Variants in ZNF444 observed in about 807,000 individuals in gnomAD.
ZNF444 encodes zinc finger protein 444.
ZNF444 carries 8 observed loss-of-function variants against 14.4 expected under a neutral mutation model. The observed-to-expected ratio is 0.56, with a 90% CI of 0.33 to 1.00. The LOEUF (loss-of-function observed/expected upper bound fraction) is 1.00, where lower values mean the gene tolerates loss of function less well. ZNF444 is among the 50% of genes least tolerant of loss of function. The pLI is 0.03. For missense variants in ZNF444, 510 were observed against 504.8 expected (o/e 1.01, Z -0.10); for synonymous variants, 258 against 235.9 (o/e 1.09, Z -0.86).
chr19:56,156,167 C>A (rs1267567944), intron 3 of ZNF444: 1 of 152,204 alleles, frequency 6.6e-6, no homozygotes. Flanking sequence ...GGAAGGGTTC[C>A]GAGCGCAGGG....
rs564703570 is a variant in ZNF444, at chr19:56,145,932, C to T, written c.-196-315C>T. ...CTGCTGGCAGAGATGGACAGAGTCCCGGTGTCCCTTTCTCTTATAAGGCCA... is the reference window on the plus strand; with the variant it reads ...CTGCTGGCAGAGATGGACAGAGTCCTGGTGTCCCTTTCTCTTATAAGGCCA... On this transcript the variant is annotated intron_variant, in intron 1 of 4. Transcript: ENST00000337080. The surrounding 1 kb of genome is among the most constrained non-coding windows in gnomAD (Gnocchi z 4.3). Among the ~76,000 whole-genome samples the T allele has an allele frequency of 1.2e-3, 179 of 152,322 alleles. No individual in the cohort carries two copies. Among genetic ancestry groups the T allele is most frequent in the African/African-American group, 4.1e-3 (169 of 41,572 alleles).
chr19:56,148,226 C>T (rs2031328263), intron 3 of ZNF444, among the ~76,000 whole-genome samples: 1 of 152,172 alleles, frequency 6.6e-6, no homozygotes, highest in African/African-American at 2.4e-5. Flanking sequence ...GGCAGCCACG[C>T]AGAGACCTCT....
rs774133349 is a variant in ZNF444, at chr19:56,147,334, G to T, written c.297+126G>T. 1.3e-5 allele frequency: 15 copies of T among 1,128,364 alleles called. No homozygotes were observed. Among genetic ancestry groups the T allele is most frequent in the Non-Finnish European group, 1.7e-5 (14 of 848,468 alleles). 69.9% of individuals were successfully genotyped at this position (1,128,364 alleles called of 1,614,324 possible). A position where few individuals can be genotyped will look rare whatever the true frequency, so the allele number is the denominator to read the frequency against. ...GTGTGACTCGCGGTGGGGAGGCTGC[G>T]GTACAGGCTGCGGTACAGCGTGGAG... On this transcript the variant is annotated intron_variant, in intron 3 of 4. Coordinates refer to ENST00000337080, the MANE Select transcript of ZNF444 (RefSeq NM_018337.4). This position sits in a 1 kb window ranked among gnomAD's most constrained non-coding sequence, Gnocchi z 5.9.
chr19:56,137,997 G>A (rs941400268), upstream of ZNF444, among the ~76,000 whole-genome samples: 8 of 151,902 alleles, frequency 5.3e-5, no homozygotes, highest in African/African-American at 1.7e-4. Context: ...GGTGGCGGGC[G>A]CCTGTAATCC....
rs1491486074 is a variant in ZNF444, at chr19:56,159,919, C to CAGCCCCGGG, written c.703_711dup (p.Ser235_Gly237dup). 4 of 1,467,128 alleles carry CAGCCCCGGG rather than the reference C, an allele frequency of 2.7e-6. No homozygotes were observed. The highest frequency in any genetic ancestry group is 3.6e-6 in the Non-Finnish European group (4 of 1,103,412). The allele number at this position is 1,467,128 out of a possible 1,614,324, so 90.9% of individuals were successfully genotyped here. On this transcript the variant is annotated inframe_insertion, in exon 5 of 5. Coordinates refer to ENST00000337080, the MANE Select transcript of ZNF444 (RefSeq NM_018337.4). The stretch of plus-strand genomic sequence containing the variant: ...GCGACACGCACCCCGGCAGCCCCGG[C>CAGCCCCGGG]AGCCCCGGGCCCGCGCTGCGCCCTC...
chr19:56,139,990 C>T (rs2030712087), upstream of ZNF444, among the ~76,000 whole-genome samples: 1 of 152,168 alleles, frequency 6.6e-6, no homozygotes, highest in African/African-American at 2.4e-5. Flanking sequence ...GACTGGAACT[C>T]ATTAAACACG....
chr19:56,140,005 G>C (rs2030713120), upstream of ZNF444, among the ~76,000 whole-genome samples: 1 of 152,202 alleles, frequency 6.6e-6, no homozygotes, highest in Admixed American at 6.5e-5. Context: ...AACACGAGGA[G>C]AAGACAGTGG....
chr19:56,139,038 C>T (rs1384545466), upstream of ZNF444, among the ~76,000 whole-genome samples: 3 of 152,072 alleles, frequency 2.0e-5, no homozygotes, highest in Admixed American at 2.0e-4. Flanking sequence ...TTCTGATCCG[C>T]ACGCCTCGGT....
intron 3 of ZNF444, chr19:56,154,681 C>G (rs2031793012): frequency 6.6e-6 from 1 of 151,722 alleles, no homozygotes; most frequent in African/African-American, 2.4e-5. Flanking sequence ...ACATCGGCAG[C>G]TTGATTCCGC....
At chr19:56,142,237 G>T (rs1275853949) in intron 1 of ZNF444, 1 of 152,146 alleles carries the variant, frequency 6.6e-6, no homozygotes, top group Non-Finnish European at 1.5e-5. Flanking sequence ...AGCCAGGTGT[G>T]GTTCTCAGCA....
intron 3 of ZNF444, among the ~76,000 whole-genome samples, chr19:56,148,091 G>A (rs565778996): frequency 6.6e-6 from 1 of 152,346 alleles, no homozygotes; most frequent in South Asian, 2.1e-4. Flanking sequence ...AAGTGTTCTA[G>A]TCAGCACGTT....
intron 3 of ZNF444, among the ~76,000 whole-genome samples, chr19:56,149,078 G>A (rs981354813): frequency 4.2e-5 from 5 of 117,756 alleles, no homozygotes; most frequent in South Asian, 3.0e-4. Context: ...TCACTCCTCC[G>A]ACCTTGACCT....
rs924421568 is a variant in ZNF444, at chr19:56,144,532, T to C, written c.-196-1715T>C. Reference sequence around the variant, plus strand: ...TGATCACTGTGGAGTGATTTGGCTCTAGGTGGCGAGAGTAGGCATACACGG... The same window carrying C: ...TGATCACTGTGGAGTGATTTGGCTCCAGGTGGCGAGAGTAGGCATACACGG... On this transcript the variant is annotated intron_variant, in intron 1 of 4. Transcript: ENST00000337080. This position sits in a 1 kb window ranked among gnomAD's most constrained non-coding sequence, Gnocchi z 4.0. Among the ~76,000 whole-genome samples the C allele has an allele frequency of 6.6e-6, 1 of 152,094 alleles. No individual in the cohort carries two copies. Among genetic ancestry groups the C allele is most frequent in the Non-Finnish European group, 1.5e-5 (1 of 68,012 alleles).
chr19:56,138,038 C>T (rs1361247995), upstream of ZNF444, among the ~76,000 whole-genome samples: 6 of 151,860 alleles, frequency 4.0e-5, no homozygotes, highest in Non-Finnish European at 5.9e-5. Flanking sequence ...GTAGGAGAAT[C>T]GCTTGAACCC....
rs909369498 is a variant in ZNF444 at position 56,147,638 on chromosome 19, C to T, written c.297+430C>T. On this transcript the variant is annotated intron_variant, in intron 3 of 4. Coordinates refer to ENST00000337080, the MANE Select transcript of ZNF444 (RefSeq NM_018337.4). The surrounding 1 kb of genome is among the most constrained non-coding windows in gnomAD (Gnocchi z 5.9). ...TGGTGTCCTGGGTTCTTACTGGGGA[C>T]TCCTCCCCGTTCTGTGTGGCTGACC... Among the ~76,000 whole-genome samples the T allele has an allele frequency of 7.9e-5, 12 of 152,238 alleles. No individual in the cohort carries two copies. The highest frequency in any genetic ancestry group is 1.5e-4 in the Non-Finnish European group (10 of 67,984).
intron 1 of ZNF444, among the ~76,000 whole-genome samples, chr19:56,135,489 A>T (rs1431849176): frequency 2.0e-5 from 3 of 152,012 alleles, no homozygotes; most frequent in African/African-American, 7.2e-5. Flanking sequence ...GCCATGAAGG[A>T]TCCAGGTTCC....
rs777166885 is a variant in ZNF444, at chr19:56,160,287, TCTC to T, written c.*92_*94del. The stretch of plus-strand genomic sequence containing the variant: ...CTCCCAGCGCCACTTGGCCTCTTCC[TCTC>T]CTCCTTCCCTCCCATCGTCCTCCTC... On this transcript the variant is annotated 3_prime_UTR_variant, in exon 5 of 5. Coordinates refer to ENST00000337080, the MANE Select transcript of ZNF444 (RefSeq NM_018337.4). 2,905 of 1,112,906 alleles carry T rather than the reference TCTC, an allele frequency of 2.6e-3. 19 individuals are homozygous for T. Among genetic ancestry groups the T allele is most frequent in the Non-Finnish European group, 2.4e-3 (2,049 of 836,782 alleles). 68.9% of individuals were successfully genotyped at this position (1,112,906 alleles called of 1,614,324 possible).
Position 56,146,921 on chromosome 19 carries a change from G to A in ZNF444, c.10G>A (p.Ala4Thr). MEVAVPVKQEAEGL... is the reference protein window; with the variant it reads MEVTVPVKQEAEGL... ...CGGTCCGGGAGGCCCCATGGAGGTG[G>A]CGGTGCCCGTGAAGCAGGAGGCCGA... is the stretch of plus-strand genomic sequence containing the variant. The change falls in exon 3 of 5, where the codon GCG becomes ACG. Residue 4 changes from alanine to threonine, a missense_variant. Physicochemically the swap from Ala to Thr is moderately conservative, Grantham distance 58 (BLOSUM62 0). Coordinates refer to ENST00000337080, the MANE Select transcript of ZNF444 (RefSeq NM_018337.4). The A allele has an allele frequency of 7.0e-7, 1 of 1,433,506 alleles. No individual in the cohort carries two copies. The highest frequency in any genetic ancestry group is 9.1e-7 in the Non-Finnish European group (1 of 1,103,058). 88.8% of individuals were successfully genotyped at this position (1,433,506 alleles called of 1,614,324 possible).
chr19:56,140,782 G>C (rs1883462323), upstream of ZNF444, among the ~76,000 whole-genome samples: 2 of 152,018 alleles, frequency 1.3e-5, no homozygotes, highest in South Asian at 4.1e-4. Context: ...CTCTTCGCTT[G>C]CCAGCTTCTA....
Sources: allele counts gnomAD v4.1 joint callset (sites outside exome capture counted in the v4.1 genomes callset), GRCh38; gene constraint gnomAD v4.1.1; non-coding constraint Gnocchi (gnomAD v3.1); transcripts MANE v1.5; gene names NCBI Gene and HGNC (gene_info 2026-07-23, HGNC 2026-07-21).